Variants in GTF2IRD1 observed in about 807,000 individuals in gnomAD.
GTF2IRD1 encodes GTF2I repeat domain containing 1, also known as general transcription factor II-I repeat domain-containing protein 1.
GTF2IRD1 carries 26 observed loss-of-function variants against 113.2 expected under a neutral mutation model. The observed-to-expected ratio is 0.23, with a 90% CI of 0.17 to 0.32. The LOEUF (loss-of-function observed/expected upper bound fraction) is 0.32, where lower values mean the gene tolerates loss of function less well. Ranked by LOEUF, GTF2IRD1 falls within the 10% of genes least tolerant of loss-of-function variation. GTF2IRD1 has a pLI of 1.00. For missense variants in GTF2IRD1, 864 were observed against 1,280.8 expected, an observed-to-expected ratio of 0.67 and a Z score of 4.97; for synonymous variants, 484 against 529.1, an observed-to-expected ratio of 0.91 and a Z score of 1.17.
chr7:74,597,208 A>AT (rs1349260883), intron 25 of GTF2IRD1, among the ~76,000 whole-genome samples: 2 of 151,242 alleles, frequency 1.3e-5, no homozygotes, highest in African/African-American at 4.9e-5. Flanking sequence ...ACGCCCAGCT[A>AT]TTTTTTTGTA....
intron 1 of GTF2IRD1, among the ~76,000 whole-genome samples, chr7:74,455,058 T>A (rs1792874495): frequency 6.6e-6 from 1 of 152,096 alleles, no homozygotes; most frequent in African/African-American, 2.4e-5. Context: ...TCCACCCTCC[T>A]GGCAGTGCTG....
At chr7:74,476,830 T>C (rs1794441368) in intron 1 of GTF2IRD1, among the ~76,000 whole-genome samples, 1 of 152,180 alleles carries the variant, frequency 6.6e-6, no homozygotes, top group African/African-American at 2.4e-5. Flanking sequence ...TTATAAACTT[T>C]AGCTTCTCTT....
intron 1 of GTF2IRD1, among the ~76,000 whole-genome samples, chr7:74,495,581 A>G (rs1287670333): frequency 2.6e-5 from 4 of 152,112 alleles, no homozygotes; most frequent in Non-Finnish European, 5.9e-5. Context: ...GATGAAAGCA[A>G]TCAGCCCTGT....
At chr7:74,500,301 T>C (rs184659333) in intron 1 of GTF2IRD1, among the ~76,000 whole-genome samples, 27 of 152,086 alleles carry the variant, frequency 1.8e-4, no homozygotes, top group African/African-American at 6.0e-4. Flanking sequence ...TTGGTAGGCC[T>C]AACGTGGTGG....
chr7:74,478,914 T>TA (rs1233663326), intron 1 of GTF2IRD1, among the ~76,000 whole-genome samples: 174 of 140,804 alleles, frequency 1.2e-3, no homozygotes, highest in East Asian at 7.0e-3. Context: ...CTAGGCTAAT[T>TA]AAAAAAAAAA....
Position 74,512,767 on chromosome 7 carries a change from G to A in GTF2IRD1, c.124-63G>A. On this transcript the variant is annotated intron_variant, in intron 2 of 26. Coordinates refer to ENST00000424337, the MANE Select transcript of GTF2IRD1 (RefSeq NM_005685.4). The surrounding 1 kb of genome is among the most constrained non-coding windows in gnomAD (Gnocchi z 4.4). ...GGAGCTCACATCCCACCCCCGAAGTGGATACTAGAGGTGTTCGGAGTATGG... is the reference window on the plus strand; with the variant it reads ...GGAGCTCACATCCCACCCCCGAAGTAGATACTAGAGGTGTTCGGAGTATGG... 2.0e-6 allele frequency: 3 copies of A among 1,526,892 alleles called. No homozygotes were observed. Among genetic ancestry groups the A allele is most frequent in the African/African-American group, 1.4e-5 (1 of 73,388 alleles). 94.6% of individuals were successfully genotyped at this position (1,526,892 alleles called of 1,614,324 possible).
intron 1 of GTF2IRD1, among the ~76,000 whole-genome samples, chr7:74,480,594 C>T (rs1428701573): frequency 7.2e-5 from 11 of 152,136 alleles, no homozygotes; most frequent in Admixed American, 7.2e-4. Context: ...CGCAGGCAGG[C>T]GGCCGCCCCT....
intron 15 of GTF2IRD1, among the ~76,000 whole-genome samples, chr7:74,545,448 A>G (rs782595862): frequency 5.4e-4 from 82 of 151,872 alleles, no homozygotes; most frequent in Non-Finnish European, 9.0e-4. Flanking sequence ...CACATGCTAC[A>G]CTCAGTCACA....
At chr7:74,530,483 G>A (rs587728436) in intron 9 of GTF2IRD1, among the ~76,000 whole-genome samples, 1 of 148,428 alleles carries the variant, frequency 6.7e-6, no homozygotes, top group Non-Finnish European at 1.5e-5. Context: ...GCCTAATCAG[G>A]CACTTTGTAA....
At chr7:74,543,604 C>T (rs1798749459) in intron 14 of GTF2IRD1, among the ~76,000 whole-genome samples, 1 of 152,104 alleles carries the variant, frequency 6.6e-6, no homozygotes, top group Non-Finnish European at 1.5e-5. Context: ...TGATACAGAA[C>T]TGTGTAATAC....
At position 74,566,376 on chromosome 7, in the gene GTF2IRD1, T is replaced by A. The variant is rs1011907172; in HGVS notation, c.2320+6721T>A. Among the ~76,000 whole-genome samples the A allele has an allele frequency of 7.6e-3, 747 of 98,786 alleles. 5 individuals are homozygous for A. The highest frequency in any genetic ancestry group is 0.03 in the African/African-American group (680 of 22,806). The allele number at this position is 98,786 out of a possible 152,430, so 64.8% of individuals were successfully genotyped here. On this transcript the variant is annotated intron_variant, in intron 22 of 26. Transcript: ENST00000424337. ...ACTTTTTTTTGAGACGGAGTCTCGCTCTGTCCCCCAGGCTGGACTGCAGTC... is the reference window on the plus strand; with the variant it reads ...ACTTTTTTTTGAGACGGAGTCTCGCACTGTCCCCCAGGCTGGACTGCAGTC...
intron 24 of GTF2IRD1, among the ~76,000 whole-genome samples, chr7:74,592,409 C>CT (rs1165712430): frequency 8.8e-4 from 132 of 149,650 alleles, no homozygotes; most frequent in Non-Finnish European, 2.7e-4. Flanking sequence ...CCAGCCCCCC[C>CT]TTTTTTTTTG....
intron 22 of GTF2IRD1, among the ~76,000 whole-genome samples, chr7:74,573,048 A>G (rs1800786048): frequency 6.6e-6 from 1 of 151,894 alleles, no homozygotes; most frequent in South Asian, 2.1e-4. Flanking sequence ...TCATTGCAAC[A>G]CCATTCTGCC....
intron 25 of GTF2IRD1, among the ~76,000 whole-genome samples, chr7:74,599,834 T>C (rs1417290301): frequency 1.3e-5 from 2 of 152,024 alleles, no homozygotes; most frequent in African/African-American, 4.8e-5. Context: ...CAGGTCCTCT[T>C]TATACCCTCC....
intron 1 of GTF2IRD1, among the ~76,000 whole-genome samples, chr7:74,463,258 C>G (rs557309183): frequency 6.6e-6 from 1 of 152,286 alleles, no homozygotes; most frequent in African/African-American, 2.4e-5. Context: ...TATTTTGAGA[C>G]AGGGTCTCGT....
intron 1 of GTF2IRD1, among the ~76,000 whole-genome samples, chr7:74,500,985 G>T (rs1795998020): frequency 6.6e-6 from 1 of 152,106 alleles, no homozygotes; most frequent in Non-Finnish European, 1.5e-5. Flanking sequence ...TCTCTTTTTA[G>T]AAAATTATTT....
rs782573993 is a variant in GTF2IRD1 at position 74,513,001 on chromosome 7, G to A, written c.265+30G>A. The A allele has an allele frequency of 1.0e-5, 16 of 1,603,108 alleles. No homozygotes were observed. In the South Asian group the frequency reaches 1.7e-4, roughly 17 times the overall value. ...GTACCCCAGGGCTCCGGAGGGCCGGGCCCGCCATTTCCCGAGGGCAGGCGC... is the reference window on the plus strand; with the variant it reads ...GTACCCCAGGGCTCCGGAGGGCCGGACCCGCCATTTCCCGAGGGCAGGCGC... On this transcript the variant is annotated intron_variant, in intron 3 of 26. Transcript: ENST00000424337.
chr7:74,570,783 C>T (rs1322639741), intron 22 of GTF2IRD1, among the ~76,000 whole-genome samples: 1 of 152,116 alleles, frequency 6.6e-6, no homozygotes, highest in Non-Finnish European at 1.5e-5. Flanking sequence ...CTAGAGAGGC[C>T]GCTTCCTATA....
chr7:74,544,899 C>T, intron 15 of GTF2IRD1, 97 bp downstream of exon 15: 1 of 898,850 alleles, frequency 1.1e-6, no homozygotes, highest in Non-Finnish European at 1.8e-6. Flanking sequence ...TCTCTTCGTT[C>T]TCTCCACCTC....
Sources: gnomAD v4.1 joint callset for allele counts (sites outside exome capture counted in the v4.1 genomes callset) on GRCh38, gnomAD v4.1.1 for gene constraint, Gnocchi (gnomAD v3.1) non-coding constraint, MANE v1.5 for transcripts, NCBI Gene and HGNC (gene_info 2026-07-23, HGNC 2026-07-21) for gene names.